ACADS: variants seen among roughly 807,000 people sequenced by gnomAD.
ACADS encodes short-chain specific acyl-CoA dehydrogenase, mitochondrial.
A neutral mutation model predicts 46.8 loss-of-function variants in ACADS; 28 were observed. The observed-to-expected ratio is 0.60, with a 90% CI of 0.44 to 0.82. The LOEUF (loss-of-function observed/expected upper bound fraction) is 0.82. Among genes scored for constraint, ACADS ranks in the 40% least tolerant of loss-of-function variants. The pLI, the probability that ACADS is intolerant of heterozygous loss-of-function variation, is 0.00. For missense variants in ACADS, 528 were observed against 578.0 expected, an observed-to-expected ratio of 0.91 and a Z score of 0.89; for synonymous variants, 236 against 237.7, an observed-to-expected ratio of 0.99 and a Z score of 0.07.
intron 1 of ACADS, among the ~76,000 whole-genome samples, 167 bp downstream of exon 1, chr12:120,726,098 G>A (rs1883074732): frequency 6.7e-6 from 1 of 150,332 alleles, no homozygotes; most frequent in South Asian, 2.3e-4. Context: ...GACCCAGCCC[G>A]GCCCTTCAGG....
intron 2 of ACADS, among the ~76,000 whole-genome samples, chr12:120,733,434 G>A (rs708781): frequency 0.027 from 4,061 of 152,202 alleles, 149 homozygotes; most frequent in African/African-American, 0.078. Flanking sequence ...AAAGTGTTCT[G>A]TTCAGAGGCC....
chr12:120,728,366 C>T lies in ACADS; in HGVS notation c.210+1177C>T, dbSNP rs1188546487. On this transcript the variant is annotated intron_variant, in intron 2 of 9. Transcript: ENST00000242592. The surrounding 1 kb of genome is among the most constrained non-coding windows in gnomAD (Gnocchi z 4.0). ...GCGTTGAAGATGTTACTGCCGTACA[C>T]GCTGACCTAAAGATGTCCAGCACCT... 1.3e-5 allele frequency among the ~76,000 whole-genome samples: 2 copies of T among 152,036 alleles called. No individual in the cohort carries two copies. The highest frequency in any genetic ancestry group is 1.5e-5 in the Non-Finnish European group (1 of 68,022).
At position 120,727,047 on chromosome 12, in the gene ACADS, G is replaced by A. The variant is rs773600043; in HGVS notation, c.68G>A (p.Arg23Gln). 18 of 1,613,922 alleles carry A rather than the reference G, an allele frequency of 1.1e-5. No homozygotes were observed. The highest frequency in any genetic ancestry group is 2.7e-5 in the African/African-American group (2 of 74,870). ...GCAGCTCTCTGTCCTAGGGCCTGGC[G>A]GCAGTTACACACCATCTACCAGTCT... ...ARRALCPRAW[R>Q]QLHTIYQSVE... Residue 23 changes from arginine (R) to glutamine (Q), a missense_variant, in exon 2 of 10, where the codon CGG (arginine) becomes CAG (glutamine). Physicochemically the swap from Arg to Gln is conservative, Grantham distance 43 (BLOSUM62 1). Coordinates refer to ENST00000242592, the MANE Select transcript of ACADS (RefSeq NM_000017.4).
intron 4 of ACADS, 71 bp downstream of exon 4, chr12:120,737,538 C>A: frequency 7.2e-7 from 1 of 1,387,626 alleles, no homozygotes; most frequent in Non-Finnish European, 1.0e-6. Context: ...GGTGCTAGGC[C>A]AACTGCCCAC....
intron 2 of ACADS, among the ~76,000 whole-genome samples, chr12:120,731,810 G>C (rs1462800880): frequency 2.0e-5 from 3 of 151,860 alleles, no homozygotes; most frequent in Non-Finnish European, 4.4e-5. Context: ...GTGTCCCTGG[G>C]TACTTGAGAT....
At position 120,728,314 on chromosome 12, in the gene ACADS, A is replaced by G. The variant is rs1354389892; in HGVS notation, c.210+1125A>G. ...CCCTCCCGTGCCACTGTGTTCTTCC[A>G]TTTGCATTCAGTCTGTCTGCAGCTA... On this transcript the variant is annotated intron_variant, in intron 2 of 9. Transcript: ENST00000242592. The surrounding 1 kb of genome is among the most constrained non-coding windows in gnomAD (Gnocchi z 4.0). 1.3e-5 allele frequency among the ~76,000 whole-genome samples: 2 copies of G among 151,838 alleles called. No individual in the cohort carries two copies. Among genetic ancestry groups the G allele is most frequent in the Non-Finnish European group, 2.9e-5 (2 of 68,002 alleles).
chr12:120,736,899 G>A, intron 2 of ACADS, 87 bp from the exon 3 acceptor site: 1 of 1,477,916 alleles, frequency 6.8e-7, no homozygotes, highest in East Asian at 2.5e-5. Context: ...GCAGGGCACT[G>A]CCTCGGGGGC....
Position 120,738,552 on chromosome 12 carries a change from G to A in ACADS, c.815G>A (p.Arg272His), listed in dbSNP as rs374726386. ...KIAMQTLDMG[R>H]IGIASQALGI... ...CCACAGCAAACCCTGGACATGGGCC[G>A]CATCGGCATCGCCTCCCAGGCCCTG... is the stretch of plus-strand genomic sequence containing the variant. Residue 272 changes from arginine (R) to histidine (H), a missense_variant, in exon 7 of 10, where the codon CGC becomes CAC. Physicochemically the swap from Arg to His is conservative, Grantham distance 29 (BLOSUM62 0). Transcript: ENST00000242592. 88 of 1,610,504 alleles carry A rather than the reference G, an allele frequency of 5.5e-5. No homozygotes were observed. The highest frequency in any genetic ancestry group is 6.9e-5 in the Non-Finnish European group (81 of 1,179,908).
chr12:120,728,637 G>T lies in ACADS; in HGVS notation c.210+1448G>T. On this transcript the variant is annotated intron_variant, in intron 2 of 9. Coordinates refer to ENST00000242592, the MANE Select transcript of ACADS (RefSeq NM_000017.4). The surrounding 1 kb of genome is among the most constrained non-coding windows in gnomAD (Gnocchi z 4.0). ...GTTTCCTGCCTCAGCCTCCCGAGTA[G>T]CTGGGATTACAGGCGCACACCACCA... 6.6e-6 allele frequency among the ~76,000 whole-genome samples: 1 copy of T among 151,794 alleles called. No homozygotes were observed. Among genetic ancestry groups the T allele is most frequent in the East Asian group, 1.9e-4 (1 of 5,152 alleles).
In ACADS at chr12:120,728,143, C is replaced by G. The variant is rs1341836903; in HGVS notation, c.210+954C>G. 6.6e-6 allele frequency among the ~76,000 whole-genome samples: 1 copy of G among 151,974 alleles called. No homozygotes were observed. Among genetic ancestry groups the G allele is most frequent in the East Asian group, 1.9e-4 (1 of 5,144 alleles). ...TGTACTTTCAGTAGAGATGGGGTTTCTCCATGTTGGGCAGGCTGGTCTCAA... is the reference window on the plus strand; with the variant it reads ...TGTACTTTCAGTAGAGATGGGGTTTGTCCATGTTGGGCAGGCTGGTCTCAA... On this transcript the variant is annotated intron_variant, in intron 2 of 9. Transcript: ENST00000242592. The surrounding 1 kb of genome is among the most constrained non-coding windows in gnomAD (Gnocchi z 4.0).
intron 3 of ACADS, 22 bp downstream of exon 3, chr12:120,737,157 T>C (rs1223989727): frequency 1.9e-6 from 3 of 1,565,364 alleles, no homozygotes; most frequent in Non-Finnish European, 2.6e-6. Flanking sequence ...CCCAGGCCCC[T>C]GGGACACACG....
At chr12:120,727,783 A>G (rs1012061134) in intron 2 of ACADS, among the ~76,000 whole-genome samples, 2 of 151,892 alleles carry the variant, frequency 1.3e-5, no homozygotes, top group Non-Finnish European at 2.9e-5. Flanking sequence ...TGATCTGCCC[A>G]CCTCGGCCTC....
At chr12:120,737,812 C>T (rs1385093227) in intron 4 of ACADS, 25 bp from the exon 5 acceptor site, 2 of 1,613,648 alleles carry the variant, frequency 1.2e-6, no homozygotes, top group Non-Finnish European at 1.7e-6. Flanking sequence ...GGGGCGTGCG[C>T]TGAGCCCTGG....
At position 120,738,550 on chromosome 12, in the gene ACADS, C is replaced by A; in HGVS notation, c.813C>A (p.Gly271=). 6.2e-7 allele frequency: 1 copy of A among 1,610,558 alleles called. No homozygotes were observed. Residue 271 remains glycine (G), a synonymous_variant, in exon 7 of 10, where the codon GGC becomes GGA. Transcript: ENST00000242592. The part of the protein sequence containing the change: ...FKIAMQTLDM[G]RIGIASQALG... ...CCCCACAGCAAACCCTGGACATGGG[C>A]CGCATCGGCATCGCCTCCCAGGCCC...
At chr12:120,729,407 G>A (rs1480010727) in intron 2 of ACADS, among the ~76,000 whole-genome samples, 3 of 151,572 alleles carry the variant, frequency 2.0e-5, no homozygotes, top group Non-Finnish European at 4.4e-5. Flanking sequence ...ACAGGTGCCC[G>A]CCACCATGCC....
chr12:120,730,772 T>C (rs1176214271), intron 2 of ACADS, among the ~76,000 whole-genome samples: 1 of 132,304 alleles, frequency 7.6e-6, no homozygotes, highest in East Asian at 2.1e-4. Flanking sequence ...TACCAACAAG[T>C]TCCGGGGTGA....
In ACADS at chr12:120,727,948, A is replaced by T. The variant is rs555171306; in HGVS notation, c.210+759A>T. Among the ~76,000 whole-genome samples, 405 of 151,718 alleles carry T rather than the reference A, an allele frequency of 2.7e-3. 5 individuals are homozygous for T. The highest frequency in any genetic ancestry group is 9.6e-3 in the African/African-American group (398 of 41,342). ...GCCTGCTCGACCTATTTTCTTTTTT[A>T]TTTACTTATTTTTTTTTGAAATGGA... On this transcript the variant is annotated intron_variant, in intron 2 of 9. Coordinates refer to ENST00000242592, the MANE Select transcript of ACADS (RefSeq NM_000017.4).
chr12:120,738,179 T>G (rs1180839400), intron 5 of ACADS, 101 bp from the exon 6 acceptor site: 1 of 1,591,292 alleles, frequency 6.3e-7, no homozygotes, highest in Non-Finnish European at 8.6e-7. Flanking sequence ...GGCCTGAGCT[T>G]CTGAGGGAGG....
chr12:120,736,868 G>C (rs1883456728), intron 2 of ACADS, 118 bp from the exon 3 acceptor site: 3 of 1,318,924 alleles, frequency 2.3e-6, no homozygotes, highest in African/African-American at 2.9e-5. Flanking sequence ...GCGTGGCTGG[G>C]GTCACATGGC....
Sources: allele counts gnomAD v4.1 joint callset (sites outside exome capture counted in the v4.1 genomes callset), GRCh38; gene constraint gnomAD v4.1.1; non-coding constraint Gnocchi (gnomAD v3.1); transcripts MANE v1.5; gene names NCBI Gene and HGNC (gene_info 2026-07-23, HGNC 2026-07-21).